The following GRIK2 variants were observed in gnomAD, a reference collection of about 807,000 sequenced individuals.
The protein encoded by GRIK2 is glutamate receptor ionotropic, kainate 2.
Under a neutral mutation model 100.3 loss-of-function variants are expected in GRIK2, and 32 were observed. That is an observed-to-expected ratio of 0.32 (90% CI 0.24 to 0.43). The LOEUF (loss-of-function observed/expected upper bound fraction) is 0.43, where lower values mean the gene tolerates loss of function less well. Among genes scored for constraint, GRIK2 ranks in the 20% least tolerant of loss-of-function variants. The pLI, the probability that GRIK2 is intolerant of heterozygous loss-of-function variation, is 1.00. For synonymous variants in GRIK2, 417 were observed against 389.4 expected (o/e 1.07, Z -0.83); for missense variants, 843 against 1,114.9 (o/e 0.76, Z 3.47).
Position 101,894,772 on chromosome 6 carries a change from T to C in GRIK2, c.1748+4909T>C, listed in dbSNP as rs149554034. 8.0e-3 allele frequency among the ~76,000 whole-genome samples: 1,205 copies of C among 151,560 alleles called. 22 individuals are homozygous for C. The highest frequency in any genetic ancestry group is 0.028 in the African/African-American group (1,140 of 41,268). On this transcript the variant is annotated intron_variant, in intron 12 of 16. Coordinates refer to ENST00000369134, the MANE Select transcript of GRIK2 (RefSeq NM_021956.5). ...AAATGACTCCATTAAAATTCCCATA[T>C]ATGTTAGGTTTTTTTTCCTCTTAAC...
At chr6:101,511,281 C>T (rs909120230) in intron 2 of GRIK2, among the ~76,000 whole-genome samples, 7 of 152,160 alleles carry the variant, frequency 4.6e-5, no homozygotes, top group African/African-American at 7.2e-5. Context: ...TTACATGACT[C>T]GGCTTCTTGA....
chr6:102,011,216 A>G (rs1334759685), intron 14 of GRIK2, among the ~76,000 whole-genome samples: 1 of 152,170 alleles, frequency 6.6e-6, no homozygotes, highest in Non-Finnish European at 1.5e-5. Flanking sequence ...AGATGTTGTC[A>G]GTGTTCTGGA....
chr6:101,637,714 G>A (rs1178382894), intron 4 of GRIK2, among the ~76,000 whole-genome samples: 7 of 152,130 alleles, frequency 4.6e-5, no homozygotes, highest in East Asian at 3.9e-4. Flanking sequence ...ATTGTTCCTC[G>A]GCATGACACA....
Position 101,682,594 on chromosome 6 carries a change from C to A in GRIK2, c.765C>A (p.Ile255=), listed in dbSNP as rs767246264. 3 of 1,284,118 alleles carry A rather than the reference C, an allele frequency of 2.3e-6. No individual in the cohort carries two copies. Among genetic ancestry groups the A allele is most frequent in the Non-Finnish European group, 3.4e-6 (3 of 891,270 alleles). The allele number at this position is 1,284,118 out of a possible 1,614,324, so 79.5% of individuals were successfully genotyped here. A position where few individuals can be genotyped will look rare whatever the true frequency, so the allele number is the denominator to read the frequency against. The change falls in exon 6 of 17, where the codon ATC becomes ATA. Residue 255 remains isoleucine (I), a synonymous_variant. Coordinates refer to ENST00000369134, the MANE Select transcript of GRIK2 (RefSeq NM_021956.5). Reference sequence around the variant, plus strand: ...TGATGACAGAATACTATCATTATATCTTTACCACTCTGGTAAGTACTTCAT... The same window carrying A: ...TGATGACAGAATACTATCATTATATATTTACCACTCTGGTAAGTACTTCAT... ...MGMMTEYYHY[I]FTTLDLFALD... is the part of the protein sequence containing the mutation.
chr6:101,584,223 AG>A, intron 2 of GRIK2, among the ~76,000 whole-genome samples: 1 of 152,196 alleles, frequency 6.6e-6, no homozygotes, highest in Admixed American at 6.6e-5. Flanking sequence ...AGTGATGCAA[AG>A]CAGGTCACTT....
chr6:101,911,654 G>T, intron 12 of GRIK2, among the ~76,000 whole-genome samples: 1 of 151,260 alleles, frequency 6.6e-6, no homozygotes, highest in Non-Finnish European at 1.5e-5. Flanking sequence ...TCAAAAATTT[G>T]CCTTTAATAC....
intron 16 of GRIK2, among the ~76,000 whole-genome samples, chr6:102,059,092 G>A (rs1771614885): frequency 6.6e-6 from 1 of 151,002 alleles, no homozygotes; most frequent in Non-Finnish European, 1.5e-5. Flanking sequence ...ATAAGTTGTT[G>A]GATAAAGATT....
At chr6:101,706,624 A>G (rs938895156) in intron 7 of GRIK2, among the ~76,000 whole-genome samples, 1 of 151,946 alleles carries the variant, frequency 6.6e-6, no homozygotes, top group African/African-American at 2.4e-5. Context: ...AGACCGTGCT[A>G]TAGGTCTGAA....
At chr6:101,694,006 AC>A (rs1772298077) in intron 7 of GRIK2, among the ~76,000 whole-genome samples, 1 of 152,118 alleles carries the variant, frequency 6.6e-6, no homozygotes, top group African/African-American at 2.4e-5. Context: ...CCCCTCAAGG[AC>A]AGTCAATGTC....
rs188859112 is a variant in GRIK2, at chr6:101,725,119, G to A, written c.951+38766G>A. ...GTGATCCGGGCTTATGGCTTTACAC[G>A]GGTAATAATCATTCATATATTAAGT... On this transcript the variant is annotated intron_variant, in intron 7 of 16. Transcript: ENST00000369134. 1.1e-4 allele frequency among the ~76,000 whole-genome samples: 16 copies of A among 152,050 alleles called. 1 individual carries two copies. Among genetic ancestry groups the A allele is most frequent in the Admixed American group, 7.9e-4 (12 of 15,230 alleles).
chr6:101,703,846 AAGAC>A (rs1364866688), intron 7 of GRIK2, among the ~76,000 whole-genome samples: 1 of 151,486 alleles, frequency 6.6e-6, no homozygotes, highest in African/African-American at 2.4e-5. Flanking sequence ...AAAAAAAAAG[AAGAC>A]AGAGTGTGGA....
intron 11 of GRIK2, among the ~76,000 whole-genome samples, chr6:101,878,342 G>GTT (rs34069545): frequency 1.5e-4 from 23 of 149,278 alleles, no homozygotes; most frequent in East Asian, 6.0e-4. Flanking sequence ...AAAGTGTCAA[G>GTT]TTTTTTTTTC....
chr6:101,396,251 C>G lies in GRIK2; in HGVS notation c.-294+2414C>G, dbSNP rs907056742. On this transcript the variant is annotated intron_variant, in intron 1 of 16. Coordinates refer to ENST00000369134, the MANE Select transcript of GRIK2 (RefSeq NM_021956.5). ...GATGTAAATTTAGCATTCCCCCCCC[C>G]CCCAGGAAGTGAGTGAGTTTAATGT... Among the ~76,000 whole-genome samples the G allele has an allele frequency of 2.1e-4, 31 of 150,600 alleles. 1 individual carries two copies. Among genetic ancestry groups the G allele is most frequent in the Admixed American group, 1.9e-3 (29 of 15,122 alleles).
intron 2 of GRIK2, among the ~76,000 whole-genome samples, chr6:101,563,247 T>C (rs1777108250): frequency 6.6e-6 from 1 of 152,246 alleles, no homozygotes; most frequent in Admixed American, 6.5e-5. Context: ...TTGTGCTTTT[T>C]GGTTCTATTA....
intron 2 of GRIK2, among the ~76,000 whole-genome samples, chr6:101,499,174 T>C (rs1438868569): frequency 1.3e-5 from 2 of 152,158 alleles, no homozygotes; most frequent in Non-Finnish European, 2.9e-5. Flanking sequence ...TTTTTATTAA[T>C]ACTGTTATAA....
At chr6:101,639,044 G>A (rs1011731983) in intron 4 of GRIK2, among the ~76,000 whole-genome samples, 1 of 151,548 alleles carries the variant, frequency 6.6e-6, no homozygotes, top group African/African-American at 2.4e-5. Context: ...GTAAAAGTTC[G>A]TTTTTCTTGT....
intron 4 of GRIK2, among the ~76,000 whole-genome samples, chr6:101,666,879 C>A (rs1015202225): frequency 2.6e-5 from 4 of 152,054 alleles, no homozygotes; most frequent in African/African-American, 9.7e-5. Flanking sequence ...ATCCTGGGAT[C>A]CAAAGGAAAA....
chr6:101,505,258 G>A (rs1285430186), intron 2 of GRIK2, among the ~76,000 whole-genome samples: 3 of 152,000 alleles, frequency 2.0e-5, no homozygotes, highest in Admixed American at 1.3e-4. Flanking sequence ...TACCTGGCAC[G>A]TTTTGTGCCA....
intron 2 of GRIK2, among the ~76,000 whole-genome samples, chr6:101,521,121 C>A (rs1276045692): frequency 6.6e-6 from 1 of 151,944 alleles, no homozygotes; most frequent in African/African-American, 2.4e-5. Context: ...AAGTTTGTAA[C>A]CATTTTCTAT....
Sources: gnomAD v4.1 joint callset for allele counts (sites outside exome capture counted in the v4.1 genomes callset) on GRCh38, gnomAD v4.1.1 for gene constraint, MANE v1.5 for transcripts, NCBI Gene and HGNC (gene_info 2026-07-23, HGNC 2026-07-21) for gene names.